Variants in SNX29 observed in about 807,000 individuals in gnomAD.
SNX29 encodes sorting nexin-29.
SNX29 carries 78 observed loss-of-function variants against 102.1 expected under a neutral mutation model. The ratio of observed to expected loss-of-function variants is 0.76; its 90% CI spans 0.64 to 0.92. The LOEUF (loss-of-function observed/expected upper bound fraction) is 0.92, where lower values mean the gene tolerates loss of function less well. Among genes scored for constraint, SNX29 ranks in the 40% least tolerant of loss-of-function variants. The pLI, the probability that SNX29 is intolerant of heterozygous loss-of-function variation, is 0.00. For synonymous variants in SNX29, 580 were observed against 414.5 expected, an observed-to-expected ratio of 1.40 and a Z score of -4.85; for missense variants, 1,280 against 1,061.7, an observed-to-expected ratio of 1.21 and a Z score of -2.86.
At chr16:12,422,553 T>G (rs1012992822) in intron 18 of SNX29, among the ~76,000 whole-genome samples, 1 of 152,240 alleles carries the variant, frequency 6.6e-6, no homozygotes, top group African/African-American at 2.4e-5. Flanking sequence ...TTTGCTTCCC[T>G]CCTCGTCTTC....
intron 20 of SNX29, among the ~76,000 whole-genome samples, chr16:12,533,945 A>C: frequency 6.6e-6 from 1 of 151,116 alleles, no homozygotes. Flanking sequence ...TTGGTTGGAA[A>C]CTCCTTTGTT....
chr16:12,074,378 C>G (rs1235333026), intron 10 of SNX29, among the ~76,000 whole-genome samples: 1 of 152,024 alleles, frequency 6.6e-6, no homozygotes, highest in African/African-American at 2.4e-5. Context: ...GTGACAAAAT[C>G]TCTCAGCATT....
rs1444680250 is a variant in SNX29 at position 12,555,394 on chromosome 16, TCTGCTGGG to T, written c.2319-13104_2319-13097del. Among the ~76,000 whole-genome samples the T allele has an allele frequency of 6.6e-3, 1,012 of 152,210 alleles. 15 individuals carry two copies. Among genetic ancestry groups the T allele is most frequent in the African/African-American group, 0.023 (964 of 41,528 alleles). ...GGCGCTCCCTGTCTTTCCCTGCGTG[TCTGCTGGG>T]CTGCTGGCCCCTCAGGTTGCTTTGT... On this transcript the variant is annotated intron_variant, in intron 20 of 20. Coordinates refer to ENST00000566228, the MANE Select transcript of SNX29 (RefSeq NM_032167.5).
At chr16:12,191,090 G>A (rs1158919751) in intron 13 of SNX29, among the ~76,000 whole-genome samples, 4 of 152,160 alleles carry the variant, frequency 2.6e-5, no homozygotes, top group South Asian at 2.1e-4. Context: ...GGATAAAACC[G>A]TTCCATCTCA....
intron 14 of SNX29, among the ~76,000 whole-genome samples, chr16:12,248,871 C>G (rs188199058): frequency 2.7e-4 from 41 of 152,168 alleles, no homozygotes; most frequent in Admixed American, 2.4e-3. Flanking sequence ...ATCTAAGCTC[C>G]TTAAGAGTAA....
At chr16:12,506,104 G>A (rs2089366195) in intron 19 of SNX29, among the ~76,000 whole-genome samples, 1 of 152,198 alleles carries the variant, frequency 6.6e-6, no homozygotes, top group Admixed American at 6.5e-5. Context: ...GAGACTACAG[G>A]TATGTGCCAG....
chr16:12,547,242 C>T (rs1009809499), intron 20 of SNX29, among the ~76,000 whole-genome samples: 3 of 152,336 alleles, frequency 2.0e-5, no homozygotes, highest in South Asian at 2.1e-4. Context: ...GCAGTGGACA[C>T]AGCAGGTGCA....
intron 11 of SNX29, among the ~76,000 whole-genome samples, chr16:12,124,124 G>A (rs1340461544): frequency 3.3e-5 from 5 of 152,162 alleles, no homozygotes; most frequent in Admixed American, 6.5e-5. Flanking sequence ...TTGGGAGGCC[G>A]AGGCATGTGG....
chr16:12,385,251 C>G (rs1331045130), intron 16 of SNX29, among the ~76,000 whole-genome samples: 1 of 152,190 alleles, frequency 6.6e-6, no homozygotes, highest in Non-Finnish European at 1.5e-5. Context: ...TGGGGGACAC[C>G]TGAGCCTTGT....
intron 19 of SNX29, among the ~76,000 whole-genome samples, chr16:12,484,097 G>C (rs1424921906): frequency 6.6e-6 from 1 of 152,176 alleles, no homozygotes; most frequent in African/African-American, 2.4e-5. Context: ...TTTCAAAGGA[G>C]TCGCAGTTCA....
chr16:12,035,941 G>C (rs1406126430), intron 4 of SNX29, among the ~76,000 whole-genome samples: 5 of 152,172 alleles, frequency 3.3e-5, no homozygotes, highest in African/African-American at 1.2e-4. Flanking sequence ...TCCAGAGTTA[G>C]GACAGTCCTC....
chr16:12,011,234 G>T (rs144412146), intron 3 of SNX29, among the ~76,000 whole-genome samples: 11 of 150,048 alleles, frequency 7.3e-5, no homozygotes, highest in African/African-American at 2.7e-4. Context: ...CTAGCAATGG[G>T]GAACCTCCAG....
intron 15 of SNX29, among the ~76,000 whole-genome samples, chr16:12,332,789 G>A (rs1044953466): frequency 6.6e-6 from 1 of 152,020 alleles, no homozygotes; most frequent in Non-Finnish European, 1.5e-5. Flanking sequence ...TGGTCTCCTC[G>A]TCAGTCCTCA....
chr16:12,388,761 G>C (rs2083423146), intron 16 of SNX29, among the ~76,000 whole-genome samples: 1 of 152,200 alleles, frequency 6.6e-6, no homozygotes, highest in Admixed American at 6.5e-5. Context: ...GAGAGGTACT[G>C]GGTTTAGGTG....
intron 1 of SNX29, among the ~76,000 whole-genome samples, chr16:11,990,056 G>A (rs1288138687): frequency 6.6e-6 from 1 of 152,202 alleles, no homozygotes; most frequent in African/African-American, 2.4e-5. Flanking sequence ...AATGATCAAT[G>A]TCTCCAAGTC....
intron 19 of SNX29, among the ~76,000 whole-genome samples, chr16:12,494,937 C>T (rs2088739846): frequency 6.6e-6 from 1 of 152,152 alleles, no homozygotes; most frequent in Admixed American, 6.5e-5. Flanking sequence ...TAACTGCATG[C>T]CAGGCAGGGT....
At chr16:11,988,678 G>T (rs1310526201) in intron 1 of SNX29, among the ~76,000 whole-genome samples, 1 of 152,084 alleles carries the variant, frequency 6.6e-6, no homozygotes, top group Non-Finnish European at 1.5e-5. Flanking sequence ...AAGACTACGG[G>T]TGTGAGCCAC....
At chr16:12,243,684 T>C (rs1038798468) in intron 14 of SNX29, among the ~76,000 whole-genome samples, 2 of 152,080 alleles carry the variant, frequency 1.3e-5, no homozygotes, top group Non-Finnish European at 2.9e-5. Flanking sequence ...GGGCTTCAGG[T>C]CCATCCATTT....
At chr16:12,198,981 G>T (rs1173864277) in intron 13 of SNX29, among the ~76,000 whole-genome samples, 1 of 152,148 alleles carries the variant, frequency 6.6e-6, no homozygotes, top group African/African-American at 2.4e-5. Context: ...TCAGCAGGTG[G>T]GGTCCTGTCA....
Sources: allele counts gnomAD v4.1 joint callset (sites outside exome capture counted in the v4.1 genomes callset), GRCh38; gene constraint gnomAD v4.1.1; transcripts MANE v1.5; gene names NCBI Gene and HGNC (gene_info 2026-07-23, HGNC 2026-07-21).